The following GSN variants were observed in gnomAD, a reference collection of about 807,000 sequenced individuals.
GSN encodes the protein actin-depolymerizing factor.
Under a neutral mutation model 85.7 loss-of-function variants are expected in GSN, and 56 were observed. The ratio of observed to expected loss-of-function variants is 0.65; its 90% CI spans 0.53 to 0.82. The LOEUF is 0.82. Ranked by LOEUF, GSN falls within the 40% of genes least tolerant of loss-of-function variation. The pLI, the probability that GSN is intolerant of heterozygous loss-of-function variation, is 0.00. For missense variants in GSN, 857 were observed against 979.8 expected (o/e 0.87, Z 1.67); for synonymous variants, 373 against 399.1 (o/e 0.93, Z 0.78).
At chr9:121,228,403 C>CATATATATATATATATATATATACAT (rs748245559) in intron 4 of GSN, among the ~76,000 whole-genome samples, 2 of 63,196 alleles carry the variant, frequency 3.2e-5, no homozygotes, top group Admixed American at 1.7e-4. Flanking sequence ...CATTGATTAA[C>CATATATATATATATATATATATACAT]ATATATATAT....
At chr9:121,227,518 G>T (rs1253455325) in intron 4 of GSN, among the ~76,000 whole-genome samples, 1 of 152,208 alleles carries the variant, frequency 6.6e-6, no homozygotes, top group Non-Finnish European at 1.5e-5. Context: ...TAGCTCATTG[G>T]TCAGAAGTGT....
At chr9:121,272,953 G>A (rs1291900994) in intron 1 of GSN, among the ~76,000 whole-genome samples, 2 of 152,134 alleles carry the variant, frequency 1.3e-5, no homozygotes, top group East Asian at 1.9e-4. Context: ...CCCACACACA[G>A]CCTGTCAGGT....
the GSN span, among the ~76,000 whole-genome samples, chr9:121,202,159 G>C: frequency 2.0e-5 from 3 of 152,376 alleles, no homozygotes; most frequent in African/African-American, 4.8e-5. Flanking sequence ...GTGGAACCTG[G>C]TGGGGTGCGC....
intron 6 of GSN, among the ~76,000 whole-genome samples, chr9:121,252,199 A>G (rs1177892493): frequency 6.6e-6 from 1 of 152,212 alleles, no homozygotes; most frequent in Non-Finnish European, 1.5e-5. Context: ...TGGGGAAGGT[A>G]GCATTTGAGC....
At chr9:121,286,885 A>G in intron 2 of GSN, 2 of 780,194 alleles carry the variant, frequency 2.6e-6, no homozygotes, top group Middle Eastern at 2.3e-4. Flanking sequence ...TCCTCCGTCT[A>G]TAAAAGGAGA....
chr9:121,246,118 G>A (rs2054694123), intron 5 of GSN, among the ~76,000 whole-genome samples: 1 of 152,174 alleles, frequency 6.6e-6, no homozygotes, highest in Non-Finnish European at 1.5e-5. Flanking sequence ...TTATCTGAGG[G>A]CAGGGAAAGG....
chr9:121,258,923 A>G (rs553790369), intron 6 of GSN, among the ~76,000 whole-genome samples: 3 of 152,314 alleles, frequency 2.0e-5, no homozygotes, highest in East Asian at 1.9e-4. Flanking sequence ...CATTCATTCA[A>G]CATTTACTAG....
chr9:121,304,130 G>A (rs2060170610), intron 4 of GSN, among the ~76,000 whole-genome samples: 1 of 152,198 alleles, frequency 6.6e-6, no homozygotes, highest in South Asian at 2.1e-4. Flanking sequence ...TTCCTCTCTG[G>A]ACCTCAGGAT....
Position 121,299,809 on chromosome 9 carries a change from T to C in GSN, c.-9-2154T>C. On this transcript the variant is annotated intron_variant, in intron 2 of 17. Coordinates refer to ENST00000432226, the MANE Select transcript of GSN (RefSeq NM_198252.3). The surrounding 1 kb of genome is among the most constrained non-coding windows in gnomAD (Gnocchi z 4.2). ...GGGATGGGCGGGCGGCTACTTAAGG[T>C]CGGCGACCCGAGGCCGCGGCTGCCG... 1 of 1,289,914 alleles carries C rather than the reference T, an allele frequency of 7.8e-7. No individual in the cohort carries two copies. The highest frequency in any genetic ancestry group is 3.5e-5 in the Admixed American group (1 of 28,682). 79.9% of individuals were successfully genotyped at this position (1,289,914 alleles called of 1,614,324 possible). A position where few individuals can be genotyped will look rare whatever the true frequency, so the allele number is the denominator to read the frequency against.
upstream of GSN, among the ~76,000 whole-genome samples, chr9:121,207,371 G>A (rs531624814): frequency 3.9e-5 from 6 of 152,138 alleles, no homozygotes; most frequent in Non-Finnish European, 7.4e-5. Flanking sequence ...ATATGAAGGG[G>A]TACCAGCACA....
intron 13 of GSN, among the ~76,000 whole-genome samples, chr9:121,326,967 A>G (rs577999970): frequency 2.6e-5 from 4 of 152,260 alleles, no homozygotes; most frequent in Non-Finnish European, 4.4e-5. Context: ...GTTGCCTACT[A>G]TCCCTTTCAC....
chr9:121,287,020 C>T (rs935962813), intron 2 of GSN, among the ~76,000 whole-genome samples: 3 of 152,146 alleles, frequency 2.0e-5, no homozygotes, highest in African/African-American at 4.8e-5. Flanking sequence ...ATTCCGGGGA[C>T]GTCCCTATCT....
At chr9:121,265,132 C>T (rs1258360266), upstream of GSN, 6 of 152,350 alleles carry the variant, frequency 3.9e-5, no homozygotes, top group Admixed American at 2.6e-4. Flanking sequence ...TATGAAATCC[C>T]TGTCTCATCC....
chr9:121,225,860 G>A (rs1391281058), intron 4 of GSN, among the ~76,000 whole-genome samples: 1 of 152,016 alleles, frequency 6.6e-6, no homozygotes, highest in Non-Finnish European at 1.5e-5. Flanking sequence ...GCTGGAGTGT[G>A]GTGGCACAAT....
At chr9:121,260,912 C>A (rs776665012) in intron 6 of GSN, among the ~76,000 whole-genome samples, 4 of 152,162 alleles carry the variant, frequency 2.6e-5, no homozygotes, top group Non-Finnish European at 5.9e-5. Context: ...GGAGGGAGAT[C>A]AACTTTGGAC....
At chr9:121,247,418 G>A (rs2054722464) in intron 5 of GSN, among the ~76,000 whole-genome samples, 1 of 152,186 alleles carries the variant, frequency 6.6e-6, no homozygotes, top group Non-Finnish European at 1.5e-5. Flanking sequence ...CCTTCCAACT[G>A]TGCAGCCTCT....
chr9:121,300,136 T>C (rs772914170), intron 2 of GSN: 6 of 1,592,100 alleles, frequency 3.8e-6, no homozygotes, highest in African/African-American at 1.3e-5. Flanking sequence ...TGTAAGTATC[T>C]CTTGCTGCTT....
chr9:121,269,841 G>T (rs1323080117), intron 1 of GSN, among the ~76,000 whole-genome samples: 1 of 152,164 alleles, frequency 6.6e-6, no homozygotes, highest in East Asian at 1.9e-4. Flanking sequence ...GTGGCTGCAG[G>T]GTTTGCCCCG....
chr9:121,211,068 C>T (rs759098752), intron 4 of GSN, among the ~76,000 whole-genome samples: 44 of 152,080 alleles, frequency 2.9e-4, no homozygotes, highest in Non-Finnish European at 5.3e-4. Context: ...GAATTTAGCC[C>T]GTCACAAAGA....
Sources: allele counts gnomAD v4.1 joint callset (sites outside exome capture counted in the v4.1 genomes callset), GRCh38; gene constraint gnomAD v4.1.1; non-coding constraint Gnocchi (gnomAD v3.1); transcripts MANE v1.5; gene names NCBI Gene and HGNC (gene_info 2026-07-23, HGNC 2026-07-21).